COL5A1: variants seen among roughly 807,000 people sequenced by gnomAD.
The protein encoded by COL5A1 is collagen alpha-1(V) chain.
A neutral mutation model predicts 263.7 loss-of-function variants in COL5A1; 16 were observed. The observed-to-expected ratio is 0.06, with a 90% CI of 0.04 to 0.09. The LOEUF (loss-of-function observed/expected upper bound fraction) is 0.09. Among genes scored for constraint, COL5A1 ranks in the 10% least tolerant of loss-of-function variants. The pLI, the probability that COL5A1 is intolerant of heterozygous loss-of-function variation, is 1.00. For synonymous variants in COL5A1, 1,012 were observed against 1,004.5 expected (o/e 1.01, Z -0.14); for missense variants, 2,036 against 2,540.5 (o/e 0.80, Z 4.27).
chr9:134,814,301 C>T (rs979722063), intron 49 of COL5A1, among the ~76,000 whole-genome samples: 3 of 152,206 alleles, frequency 2.0e-5, no homozygotes, highest in Admixed American at 6.5e-5. Context: ...CTGGCCCCTT[C>T]GCGGGGCAGC....
intron 4 of COL5A1, chr9:134,709,178 G>T (rs1057108112): frequency 5.7e-6 from 2 of 350,730 alleles, no homozygotes; most frequent in Non-Finnish European, 1.1e-5. Context: ...CTACACCAGC[G>T]TGGAAAAGGG....
chr9:134,767,303 C>T lies in COL5A1; in HGVS notation c.2188-7C>T, dbSNP rs1836711508. On this transcript the variant is annotated splice_region_variant and splice_polypyrimidine_tract_variant and intron_variant, in intron 23 of 65. Transcript: ENST00000371817. ...ACCTTCCCTTTCTGGCTCTTTCTCC[C>T]TCTTAGGGTCTTCCAGGCCCCCAGG... The T allele has an allele frequency of 2.5e-6, 4 of 1,613,884 alleles. No individual in the cohort carries two copies. In the Admixed American group the frequency reaches 6.7e-5, roughly 27 times the overall value.
At chr9:134,753,783 C>A in intron 14 of COL5A1, 67 bp from the exon 15 acceptor site, 2 of 1,062,728 alleles carry the variant, frequency 1.9e-6, no homozygotes, top group South Asian at 1.2e-5. Flanking sequence ...CCCTGCCACC[C>A]CCAGCCCTTC....
chr9:134,760,252 A>ACCG (rs1836293332), intron 18 of COL5A1, among the ~76,000 whole-genome samples: 1 of 108,728 alleles, frequency 9.2e-6, no homozygotes, highest in East Asian at 3.0e-4. Flanking sequence ...ACACACCCAC[A>ACCG]CACCCCACAC....
intron 22 of COL5A1, 125 bp from the exon 23 acceptor site, chr9:134,766,875 C>T (rs1036602893): frequency 3.5e-5 from 34 of 962,024 alleles, no homozygotes; most frequent in African/African-American, 2.4e-4. Flanking sequence ...TTTCCCTTCC[C>T]GCTGGCATTA....
rs1382134438 is a variant in COL5A1, at chr9:134,738,470, C to T, written c.1390-4C>T. 4 of 1,614,040 alleles carry T rather than the reference C, an allele frequency of 2.5e-6. No individual in the cohort carries two copies. Among genetic ancestry groups the T allele is most frequent in the East Asian group, 2.2e-5 (1 of 44,874 alleles). On this transcript the variant is annotated splice_region_variant and splice_polypyrimidine_tract_variant and intron_variant, in intron 9 of 65. Transcript: ENST00000371817. Reference sequence around the variant, plus strand: ...TCTCAGACGCCCTCTCTCTGTCTCCCCAGGGCATGCTCATCGAGGGCCCGC... The same window carrying T: ...TCTCAGACGCCCTCTCTCTGTCTCCTCAGGGCATGCTCATCGAGGGCCCGC...
intron 42 of COL5A1, among the ~76,000 whole-genome samples, chr9:134,808,050 C>A (rs1838360317): frequency 2.0e-5 from 3 of 152,136 alleles, no homozygotes; most frequent in African/African-American, 7.2e-5. Context: ...CCACAAAAGC[C>A]CCACACGTGG....
At chr9:134,825,015 C>T (rs995428542) in intron 62 of COL5A1, among the ~76,000 whole-genome samples, 160 bp downstream of exon 62, 1 of 152,232 alleles carries the variant, frequency 6.6e-6, no homozygotes, top group Non-Finnish European at 1.5e-5. Flanking sequence ...AGAGCCTCCC[C>T]TCTTGAACTT....
intron 28 of COL5A1, among the ~76,000 whole-genome samples, chr9:134,781,656 C>T (rs1013470148): frequency 6.6e-6 from 1 of 152,208 alleles, no homozygotes; most frequent in Admixed American, 6.5e-5. Context: ...CCGAGGGCCA[C>T]GCAGGCAGCC....
intron 32 of COL5A1, among the ~76,000 whole-genome samples, chr9:134,792,783 A>G (rs1482674414): frequency 8.4e-5 from 3 of 35,834 alleles, no homozygotes; most frequent in East Asian, 4.0e-4. Context: ...GTGTGTGTAC[A>G]TATGTGTGTG....
chr9:134,832,773 GAA>G (rs1319215838), intron 64 of COL5A1: 2 of 152,274 alleles, frequency 1.3e-5, no homozygotes, highest in Non-Finnish European at 2.9e-5. Context: ...GGCTGCGTCT[GAA>G]AGCGTGGAGT....
chr9:134,840,207 C>T (rs924671761), intron 65 of COL5A1, among the ~76,000 whole-genome samples: 4 of 152,236 alleles, frequency 2.6e-5, no homozygotes, highest in South Asian at 2.1e-4. Flanking sequence ...CCTGAGAACT[C>T]GCGTTCTCTC....
intron 2 of COL5A1, among the ~76,000 whole-genome samples, chr9:134,697,113 C>G (rs1833507270): frequency 6.6e-6 from 1 of 151,876 alleles, no homozygotes; most frequent in Non-Finnish European, 1.5e-5. Context: ...CCGGAGCCCA[C>G]CCCTCAACTG....
At chr9:134,830,977 G>A (rs945837460) in intron 64 of COL5A1, among the ~76,000 whole-genome samples, 2 of 152,218 alleles carry the variant, frequency 1.3e-5, no homozygotes, top group African/African-American at 2.4e-5. Flanking sequence ...AACACAAGAC[G>A]GGTTCCGGGT....
At chr9:134,724,410 A>C (rs932874591) in intron 4 of COL5A1, among the ~76,000 whole-genome samples, 5 of 152,216 alleles carry the variant, frequency 3.3e-5, no homozygotes, top group African/African-American at 9.6e-5. Context: ...TGGAGCTGGC[A>C]TGTGGGCCGG....
Position 134,738,436 on chromosome 9 carries a change from G to C in COL5A1, c.1390-38G>C, listed in dbSNP as rs759411825. ...TGGGGTCTGGGGTGTCGGGAGGGATGGGCTGCGGTCTCAGACGCCCTCTCT... is the reference window on the plus strand; with the variant it reads ...TGGGGTCTGGGGTGTCGGGAGGGATCGGCTGCGGTCTCAGACGCCCTCTCT... On this transcript the variant is annotated intron_variant, in intron 9 of 65. Transcript: ENST00000371817. The C allele has an allele frequency of 5.6e-6, 9 of 1,613,442 alleles. 1 individual carries two copies. In the South Asian group the frequency reaches 9.9e-5, roughly 18 times the overall value.
chr9:134,789,513 C>A lies in COL5A1; in HGVS notation c.2700+305C>A, dbSNP rs2132785170. 6.6e-6 allele frequency among the ~76,000 whole-genome samples: 1 copy of A among 152,310 alleles called. No homozygotes were observed. The highest frequency in any genetic ancestry group is 1.5e-5 in the Non-Finnish European group (1 of 68,028). The stretch of plus-strand genomic sequence containing the variant: ...TTCAGGTCATTCTGAAAATCAGATT[C>A]TTCTCCTCTACCCAAGTGGGCTTTT... On this transcript the variant is annotated intron_variant, in intron 32 of 65. Transcript: ENST00000371817. The surrounding 1 kb of genome is among the most constrained non-coding windows in gnomAD (Gnocchi z 4.8).
chr9:134,768,252 G>A (rs539121689), intron 24 of COL5A1, among the ~76,000 whole-genome samples, 158 bp from the exon 25 acceptor site: 1 of 152,226 alleles, frequency 6.6e-6, no homozygotes, highest in Non-Finnish European at 1.5e-5. Context: ...GCGCTACCGT[G>A]GCTGCACGCC....
At chr9:134,689,095 C>T (rs1289585649) in intron 1 of COL5A1, among the ~76,000 whole-genome samples, 4 of 152,170 alleles carry the variant, frequency 2.6e-5, no homozygotes, top group Non-Finnish European at 4.4e-5. Flanking sequence ...CAGAGTCCTC[C>T]GTCTGGGTGC....
Sources: gnomAD v4.1 joint callset for allele counts (sites outside exome capture counted in the v4.1 genomes callset) on GRCh38, gnomAD v4.1.1 for gene constraint, Gnocchi (gnomAD v3.1) non-coding constraint, MANE v1.5 for transcripts, NCBI Gene and HGNC (gene_info 2026-07-23, HGNC 2026-07-21) for gene names.